Variants in ESR2 observed in about 807,000 individuals in gnomAD.
The protein encoded by ESR2 is estrogen receptor 2, also known as estrogen receptor beta.
A neutral mutation model predicts 49.6 loss-of-function variants in ESR2; 36 were observed. The ratio of observed to expected loss-of-function variants is 0.73; its 90% CI spans 0.56 to 0.96. The LOEUF is 0.96. Among genes scored for constraint, ESR2 ranks in the 40% least tolerant of loss-of-function variants. The pLI is 0.00. For synonymous variants in ESR2, 320 were observed against 266.1 expected, an observed-to-expected ratio of 1.20 and a Z score of -1.97; for missense variants, 714 against 693.0, an observed-to-expected ratio of 1.03 and a Z score of -0.34.
chr14:64,313,155 A>C (rs2077204356), intron 1 of ESR2, among the ~76,000 whole-genome samples: 1 of 152,156 alleles, frequency 6.6e-6, no homozygotes, highest in African/African-American at 2.4e-5. Context: ...TAACAAAAGG[A>C]TCAATCAACC....
In ESR2 at chr14:64,232,867, A is replaced by C; in HGVS notation, c.*270T>G. On this transcript the variant is annotated 3_prime_UTR_variant, in exon 9 of 9. Coordinates refer to ENST00000341099, the MANE Select transcript of ESR2 (RefSeq NM_001437.3). Reference sequence around the variant, plus strand: ...CACAAAGGGGAGGAAGGAAGAAGGAAAGTAAGAAAGACCACACTGAGATCC... The same window carrying C: ...CACAAAGGGGAGGAAGGAAGAAGGACAGTAAGAAAGACCACACTGAGATCC... 2 of 427,018 alleles carry C rather than the reference A, an allele frequency of 4.7e-6. No homozygotes were observed. Among genetic ancestry groups the C allele is most frequent in the East Asian group, 4.1e-5 (1 of 24,512 alleles). The allele number at this position is 427,018 out of a possible 1,614,324, so 26.5% of individuals were successfully genotyped here.
chr14:64,242,840 T>C (rs1366656433), intron 7 of ESR2, among the ~76,000 whole-genome samples: 5 of 83,826 alleles, frequency 6.0e-5, no homozygotes, highest in East Asian at 7.4e-4. Flanking sequence ...CTGGGCAATA[T>C]ACAAAAGAAA....
At chr14:64,244,315 G>T (rs759685512) in intron 7 of ESR2, among the ~76,000 whole-genome samples, 1 of 151,678 alleles carries the variant, frequency 6.6e-6, no homozygotes, top group South Asian at 2.1e-4. Flanking sequence ...CAGGAGAATC[G>T]CTTGAACCCA....
intron 7 of ESR2, among the ~76,000 whole-genome samples, chr14:64,243,078 C>G (rs1209088867): frequency 6.6e-6 from 1 of 152,218 alleles, no homozygotes; most frequent in African/African-American, 2.4e-5. Flanking sequence ...CCTCCCACAA[C>G]ATGTGGGAAT....
intron 6 of ESR2, among the ~76,000 whole-genome samples, chr14:64,250,389 A>C (rs1162744080): frequency 6.6e-6 from 1 of 152,212 alleles, no homozygotes; most frequent in Non-Finnish European, 1.5e-5. Flanking sequence ...AATTCTTTGG[A>C]GCACTCCTTG....
At chr14:64,245,365 A>T (rs2140660673) in intron 7 of ESR2, among the ~76,000 whole-genome samples, 1 of 152,118 alleles carries the variant, frequency 6.6e-6, no homozygotes, top group South Asian at 2.1e-4. Flanking sequence ...TACAAAAATT[A>T]GCCAGGCGTG....
At chr14:64,259,974 G>A (rs957095403) in intron 5 of ESR2, among the ~76,000 whole-genome samples, 1 of 152,162 alleles carries the variant, frequency 6.6e-6, no homozygotes, top group African/African-American at 2.4e-5. Flanking sequence ...AGGACTCTAG[G>A]ATTCTTGCCC....
At chr14:64,241,903 T>C (rs906968399) in intron 7 of ESR2, among the ~76,000 whole-genome samples, 3 of 152,232 alleles carry the variant, frequency 2.0e-5, no homozygotes, top group Non-Finnish European at 4.4e-5. Context: ...CTTGCCTTAA[T>C]GCACTGGGTA....
chr14:64,280,246 T>C (rs771710560), intron 2 of ESR2, 93 bp from the exon 3 acceptor site: 171 of 903,076 alleles, frequency 1.9e-4, no homozygotes, highest in South Asian at 3.9e-4. Flanking sequence ...TTGCCTAATT[T>C]AATCTCTTTT....
At chr14:64,295,381 C>G (rs1053597700), upstream of ESR2, among the ~76,000 whole-genome samples, 3 of 152,106 alleles carry the variant, frequency 2.0e-5, no homozygotes, top group Non-Finnish European at 2.9e-5. Context: ...AATAGAGAGA[C>G]GCAAGTGTGC....
Position 64,310,945 on chromosome 14 carries a change from A to G in ESR2, c.-91+26953T>C, listed in dbSNP as rs182770038. Among the ~76,000 whole-genome samples the G allele has an allele frequency of 2.7e-3, 411 of 152,272 alleles. 1 individual carries two copies. Among genetic ancestry groups the G allele is most frequent in the Non-Finnish European group, 4.0e-3 (274 of 68,018 alleles). The stretch of plus-strand genomic sequence containing the variant: ...TATATTCAAAATACTTAACAATTCA[A>G]TCTGTCTGACCTACTCCTATTTCCA... On this transcript the variant is annotated intron_variant, in intron 1 of 8. Coordinates refer to the ESR2 transcript ENST00000358599.
downstream of ESR2, chr14:64,227,655 G>GGAAGTGTGGTCTGCATTTC: frequency 4.3e-6 from 7 of 1,613,534 alleles, no homozygotes; most frequent in Non-Finnish European, 5.9e-6. Context: ...TGCAGTGAAA[G>GGAAGTGTGGTCTGCATTTC]GAAGTGTGGT....
chr14:64,238,134 G>A (rs1369243477), intron 7 of ESR2, among the ~76,000 whole-genome samples: 1 of 152,220 alleles, frequency 6.6e-6, no homozygotes, highest in East Asian at 1.9e-4. Context: ...TCCCTGGGCT[G>A]TGTGCAACGA....
Position 64,253,797 on chromosome 14 carries a change from T to C in ESR2, c.1091+3429A>G, listed in dbSNP as rs572714065. On this transcript the variant is annotated intron_variant, in intron 6 of 8. Coordinates refer to ENST00000341099, the MANE Select transcript of ESR2 (RefSeq NM_001437.3). ...CTAATGTGAATGTAAACTCAAGACA[T>C]TTATACATATACAATTCCACGGACC... 3.3e-4 allele frequency among the ~76,000 whole-genome samples: 51 copies of C among 152,254 alleles called. 2 individuals are homozygous for C. Among genetic ancestry groups the C allele is most frequent in the South Asian group, 2.3e-3 (11 of 4,826 alleles).
chr14:64,258,728 G>C (rs1340745245), intron 5 of ESR2, among the ~76,000 whole-genome samples: 1 of 152,168 alleles, frequency 6.6e-6, no homozygotes, highest in Non-Finnish European at 1.5e-5. Context: ...CACATGCTTT[G>C]CTCAGTTTAG....
chr14:64,319,249 C>A (rs931452090), intron 1 of ESR2, among the ~76,000 whole-genome samples: 1 of 152,082 alleles, frequency 6.6e-6, no homozygotes, highest in Non-Finnish European at 1.5e-5. Flanking sequence ...CAGACACAGA[C>A]CTCATACCAC....
intron 4 of ESR2, among the ~76,000 whole-genome samples, chr14:64,261,304 C>G (rs2076220219): frequency 8.0e-6 from 1 of 124,234 alleles, no homozygotes; most frequent in Admixed American, 1.0e-4. Flanking sequence ...GTGGTGTGAT[C>G]TCGGCTCACT....
intron 2 of ESR2, among the ~76,000 whole-genome samples, chr14:64,281,216 G>A (rs975130097): frequency 2.6e-4 from 40 of 152,276 alleles, no homozygotes; most frequent in African/African-American, 9.1e-4. Flanking sequence ...CAGGCAAGAG[G>A]TTCATAAAGG....
intron 4 of ESR2, among the ~76,000 whole-genome samples, chr14:64,267,427 T>G (rs2076354650): frequency 6.6e-6 from 1 of 151,962 alleles, no homozygotes; most frequent in Admixed American, 6.6e-5. Flanking sequence ...ACAGAGGAAA[T>G]GAAGATCATC....
Sources: allele counts gnomAD v4.1 joint callset (sites outside exome capture counted in the v4.1 genomes callset), GRCh38; gene constraint gnomAD v4.1.1; transcripts MANE v1.5; gene names NCBI Gene and HGNC (gene_info 2026-07-23, HGNC 2026-07-21).